CYP2C19: variants seen among roughly 807,000 people sequenced by gnomAD.
CYP2C19 encodes cytochrome P450 family 2 subfamily C member 19.
A neutral mutation model predicts 40.9 loss-of-function variants in CYP2C19; 59 were observed. The ratio of observed to expected loss-of-function variants is 1.44; its 90% CI spans 1.17 to 1.79. The LOEUF (loss-of-function observed/expected upper bound fraction) is 1.79, where lower values mean the gene tolerates loss of function less well. CYP2C19 is among the 40% of genes most tolerant of loss of function. The pLI, the probability that CYP2C19 is intolerant of heterozygous loss-of-function variation, is 0.00. For missense variants in CYP2C19, 754 were observed against 596.9 expected, an observed-to-expected ratio of 1.26 and a Z score of -2.74; for synonymous variants, 253 against 208.7, an observed-to-expected ratio of 1.21 and a Z score of -1.83.
chr10:94,843,794 G>A (rs1322131766), intron 7 of CYP2C19, among the ~76,000 whole-genome samples: 1 of 152,110 alleles, frequency 6.6e-6, no homozygotes, highest in Non-Finnish European at 1.5e-5. Context: ...ATTTCTAGGA[G>A]AGTGTTGAAT....
At position 94,849,337 on chromosome 10, in the gene CYP2C19, A is replaced by ATTTT. The variant is rs919680424; in HGVS notation, c.1150-576_1150-573dup. ...GGGCATTTTATTTATTTATTTATTTATTTTTTTCATCAGCAGATTTTATTA... is the reference window on the plus strand; with the variant it reads ...GGGCATTTTATTTATTTATTTATTTATTTTTTTTTTTCATCAGCAGATTTTATTA... On this transcript the variant is annotated intron_variant, in intron 7 of 8. Transcript: ENST00000371321. Among the ~76,000 whole-genome samples, 51 of 150,536 alleles carry ATTTT rather than the reference A, an allele frequency of 3.4e-4. No individual in the cohort carries two copies. The South Asian group carries it at 3.6e-3, about 10-fold the overall frequency.
intron 5 of CYP2C19, among the ~76,000 whole-genome samples, chr10:94,815,445 C>T (rs1287819107): frequency 6.6e-6 from 1 of 152,090 alleles, no homozygotes; most frequent in African/African-American, 2.4e-5. Flanking sequence ...CAAAACTTTC[C>T]CCTTATTGTT....
In CYP2C19 at chr10:94,841,056, A is replaced by G. The variant is rs115435834; in HGVS notation, c.962-1781A>G. Among the ~76,000 whole-genome samples, 473 of 152,044 alleles carry G rather than the reference A, an allele frequency of 3.1e-3. 3 individuals are homozygous for G. The highest frequency in any genetic ancestry group is 0.011 in the African/African-American group (450 of 41,382). On this transcript the variant is annotated intron_variant, in intron 6 of 8. Transcript: ENST00000371321. ...AGAGCTCCCAAGATGGTGGTGATCC[A>G]CTTCCAAGATGGTGGTGGGCCACTT...
intron 8 of CYP2C19, among the ~76,000 whole-genome samples, chr10:94,850,928 G>A (rs974130779): frequency 1.3e-5 from 2 of 152,186 alleles, no homozygotes; most frequent in Non-Finnish European, 2.9e-5. Flanking sequence ...TGAAATGTGT[G>A]TGCTGAGCAT....
At chr10:94,838,462 G>A (rs911098853) in intron 6 of CYP2C19, among the ~76,000 whole-genome samples, 4 of 152,154 alleles carry the variant, frequency 2.6e-5, no homozygotes, top group South Asian at 2.1e-4. Flanking sequence ...AGCCATCAGG[G>A]TTATCTGATC....
chr10:94,791,693 T>C (rs998995175), intron 5 of CYP2C19, among the ~76,000 whole-genome samples: 19 of 152,192 alleles, frequency 1.2e-4, no homozygotes, highest in African/African-American at 4.1e-4. Context: ...AGTTTCTTAA[T>C]CCTGAGTTCT....
chr10:94,813,122 C>T (rs1339947914), intron 5 of CYP2C19, among the ~76,000 whole-genome samples: 2 of 152,014 alleles, frequency 1.3e-5, no homozygotes, highest in East Asian at 3.9e-4. Flanking sequence ...AACAGTCAGG[C>T]CCTTCTGCTG....
At chr10:94,841,513 G>A (rs545670943) in intron 6 of CYP2C19, among the ~76,000 whole-genome samples, 2 of 152,222 alleles carry the variant, frequency 1.3e-5, no homozygotes, top group African/African-American at 4.8e-5. Flanking sequence ...CAAAGGGAGG[G>A]GACCCAAAGG....
chr10:94,812,866 A>G (rs2134261465), intron 5 of CYP2C19, among the ~76,000 whole-genome samples: 1 of 152,138 alleles, frequency 6.6e-6, no homozygotes, highest in South Asian at 2.1e-4. Context: ...ACTTCTGTCA[A>G]TTCATCAAAT....
At chr10:94,806,570 T>C (rs1156993366) in intron 5 of CYP2C19, among the ~76,000 whole-genome samples, 1 of 150,624 alleles carries the variant, frequency 6.6e-6, no homozygotes, top group Admixed American at 6.6e-5. Context: ...TTGTTTTCTT[T>C]TGTTTTCTTA....
chr10:94,768,212 G>A (rs543400764), intron 1 of CYP2C19, among the ~76,000 whole-genome samples: 4 of 152,158 alleles, frequency 2.6e-5, no homozygotes, highest in Non-Finnish European at 5.9e-5. Context: ...CCAGTTCTAA[G>A]GCTCGGGTAA....
At chr10:94,820,765 T>C (rs762684937) in intron 6 of CYP2C19, 128 bp downstream of exon 6, 75 of 1,174,054 alleles carry the variant, frequency 6.4e-5, no homozygotes, top group Non-Finnish European at 9.2e-5. Flanking sequence ...AGCTGTAATC[T>C]GTCCCAATTT....
intron 5 of CYP2C19, among the ~76,000 whole-genome samples, chr10:94,802,129 C>T (rs1017345312): frequency 2.0e-5 from 3 of 148,588 alleles, no homozygotes; most frequent in Middle Eastern, 3.4e-3. Flanking sequence ...CTGATTGGTC[C>T]ATTTTTCAGA....
chr10:94,797,872 C>G (rs560063071), intron 5 of CYP2C19, among the ~76,000 whole-genome samples: 1 of 151,734 alleles, frequency 6.6e-6, no homozygotes, highest in Admixed American at 6.6e-5. Flanking sequence ...CTATTTGATT[C>G]TTCTCTCTTT....
chr10:94,852,451 C>T (rs921895014), intron 8 of CYP2C19, among the ~76,000 whole-genome samples: 22 of 152,168 alleles, frequency 1.4e-4, no homozygotes, highest in Admixed American at 1.4e-3. Flanking sequence ...AGTCAATAAA[C>T]ATTTGTTGAA....
At chr10:94,796,583 G>A (rs1438982490) in intron 5 of CYP2C19, among the ~76,000 whole-genome samples, 2 of 152,050 alleles carry the variant, frequency 1.3e-5, no homozygotes, top group African/African-American at 4.8e-5. Flanking sequence ...AATTACCTTG[G>A]GCAGTATGGC....
In CYP2C19 at chr10:94,854,887, A is replaced by G. The variant is rs1849708808; in HGVS notation, c.*1973A>G. ...ATGGGTATTACATTAATGGAAAGAT[A>G]CAGATGGAAATTACACATTATACAT... On this transcript the variant is annotated 3_prime_UTR_variant, in exon 9 of 9. Coordinates refer to ENST00000371321, the MANE Select transcript of CYP2C19 (RefSeq NM_000769.4). 6.6e-6 allele frequency among the ~76,000 whole-genome samples: 1 copy of G among 152,232 alleles called. No individual in the cohort carries two copies. The highest frequency in any genetic ancestry group is 2.1e-4 in the South Asian group (1 of 4,836).
chr10:94,848,467 T>C (rs922232661), intron 7 of CYP2C19, among the ~76,000 whole-genome samples: 17 of 152,208 alleles, frequency 1.1e-4, no homozygotes, highest in Non-Finnish European at 1.9e-4. Context: ...ACCATGCTGT[T>C]TTGGTTACTG....
chr10:94,822,905 T>C (rs1423962130), intron 6 of CYP2C19, among the ~76,000 whole-genome samples: 1 of 151,922 alleles, frequency 6.6e-6, no homozygotes, highest in Non-Finnish European at 1.5e-5. Flanking sequence ...TCATGTCCTT[T>C]CACCATTTCT....
Sources: gnomAD v4.1 joint callset for allele counts (sites outside exome capture counted in the v4.1 genomes callset) on GRCh38, gnomAD v4.1.1 for gene constraint, MANE v1.5 for transcripts, NCBI Gene and HGNC (gene_info 2026-07-23, HGNC 2026-07-21) for gene names.